NKAIN2: variants seen among roughly 807,000 people sequenced by gnomAD.
The protein encoded by NKAIN2 is sodium/potassium transporting ATPase interacting 2, also known as sodium/potassium-transporting ATPase subunit beta-1-interacting protein 2.
NKAIN2 carries 14 observed loss-of-function variants against 32.6 expected under a neutral mutation model. The observed-to-expected ratio is 0.43, with a 90% confidence interval of 0.28 to 0.67. The LOEUF is 0.67. Ranked by LOEUF, NKAIN2 falls within the 30% of genes least tolerant of loss-of-function variation. The pLI, the probability that NKAIN2 is intolerant of heterozygous loss-of-function variation, is 0.17. For synonymous variants in NKAIN2, 80 were observed against 87.2 expected (o/e 0.92, Z 0.46); for missense variants, 198 against 258.3 (o/e 0.77, Z 1.60).
At chr6:124,518,675 A>C (rs1405498781) in intron 3 of NKAIN2, among the ~76,000 whole-genome samples, 5 of 152,158 alleles carry the variant, frequency 3.3e-5, no homozygotes, top group African/African-American at 4.8e-5. Context: ...TGGGGATTAC[A>C]ATTTAACATG....
intron 1 of NKAIN2, among the ~76,000 whole-genome samples, chr6:124,097,012 G>A (rs1371166701): frequency 6.6e-6 from 1 of 152,148 alleles, no homozygotes; most frequent in African/African-American, 2.4e-5. Flanking sequence ...CAACACACCT[G>A]AATAAGAAAG....
intron 5 of NKAIN2, among the ~76,000 whole-genome samples, chr6:124,797,421 TA>T (rs1454257989): frequency 6.6e-6 from 1 of 152,180 alleles, no homozygotes; most frequent in Non-Finnish European, 1.5e-5. Flanking sequence ...AATAATATCC[TA>T]AGGGACTTAT....
intron 3 of NKAIN2, among the ~76,000 whole-genome samples, chr6:124,624,947 T>G (rs1313506116): frequency 6.6e-6 from 1 of 152,200 alleles, no homozygotes; most frequent in Non-Finnish European, 1.5e-5. Context: ...GCTAAATTTA[T>G]CCAACTTTCT....
At chr6:124,510,769 T>C (rs1778679858) in intron 3 of NKAIN2, among the ~76,000 whole-genome samples, 1 of 152,180 alleles carries the variant, frequency 6.6e-6, no homozygotes, top group South Asian at 2.1e-4. Context: ...TATTTTTATC[T>C]GGCTACTCAG....
intron 1 of NKAIN2, among the ~76,000 whole-genome samples, chr6:123,902,700 C>T (rs901226795): frequency 1.1e-4 from 16 of 152,062 alleles, no homozygotes; most frequent in Admixed American, 4.6e-4. Context: ...AAAGAAGCAT[C>T]GATTTATTCA....
chr6:124,456,471 A>T (rs1203127266), intron 3 of NKAIN2, among the ~76,000 whole-genome samples: 3 of 151,844 alleles, frequency 2.0e-5, no homozygotes, highest in African/African-American at 7.2e-5. Context: ...TATGAAGACC[A>T]CCGTTCCTTT....
chr6:124,131,795 C>T (rs1477719367), intron 1 of NKAIN2, among the ~76,000 whole-genome samples: 3 of 152,082 alleles, frequency 2.0e-5, no homozygotes, highest in Non-Finnish European at 4.4e-5. Flanking sequence ...GGTAGGCAAC[C>T]AGAGGAATTA....
chr6:123,942,419 A>T (rs1205313059), intron 1 of NKAIN2, among the ~76,000 whole-genome samples: 1 of 151,998 alleles, frequency 6.6e-6, no homozygotes, highest in African/African-American at 2.4e-5. Flanking sequence ...AACCCTTTTT[A>T]AAAAATTGTC....
At chr6:124,193,238 C>G (rs1790122223) in intron 1 of NKAIN2, among the ~76,000 whole-genome samples, 1 of 152,212 alleles carries the variant, frequency 6.6e-6, no homozygotes, top group South Asian at 2.1e-4. Flanking sequence ...GCCCGGCAAA[C>G]AGGGCTCAGT....
chr6:124,351,481 C>T (rs1470520163), intron 2 of NKAIN2, among the ~76,000 whole-genome samples: 1 of 118,576 alleles, frequency 8.4e-6, no homozygotes, highest in East Asian at 2.4e-4. Context: ...GCCGGGGTGG[C>T]AGAGTGAGAT....
rs189397451 is a variant in NKAIN2 at position 124,075,619 on chromosome 6, G to A, written c.55-207386G>A. On this transcript the variant is annotated intron_variant, in intron 1 of 6. Coordinates refer to ENST00000368417, the MANE Select transcript of NKAIN2 (RefSeq NM_001040214.3). ...TTTATTTATTTATTTATTTAGAGAC[G>A]GAGTCTTGATGTGTTGGCCAGCCTG... 9.5e-4 allele frequency among the ~76,000 whole-genome samples: 145 copies of A among 152,088 alleles called. 1 individual carries two copies. The highest frequency in any genetic ancestry group is 1.4e-3 in the Non-Finnish European group (93 of 67,976).
intron 3 of NKAIN2, among the ~76,000 whole-genome samples, chr6:124,436,888 C>T (rs917923583): frequency 2.0e-5 from 3 of 152,122 alleles, no homozygotes; most frequent in South Asian, 2.1e-4. Context: ...AATGACTATA[C>T]GGTTCTCCAT....
At chr6:124,551,693 T>C (rs972616850) in intron 3 of NKAIN2, among the ~76,000 whole-genome samples, 1 of 152,232 alleles carries the variant, frequency 6.6e-6, no homozygotes, top group African/African-American at 2.4e-5. Context: ...GACAGCATCA[T>C]TGTCAATCTT....
At chr6:124,708,495 G>C (rs1177990006) in intron 4 of NKAIN2, among the ~76,000 whole-genome samples, 8 of 152,100 alleles carry the variant, frequency 5.3e-5, no homozygotes, top group Non-Finnish European at 8.8e-5. Flanking sequence ...TCTTCCATTT[G>C]TTTGTATCCT....
chr6:124,592,480 C>T (rs1284899312), intron 3 of NKAIN2, among the ~76,000 whole-genome samples: 1 of 152,118 alleles, frequency 6.6e-6, no homozygotes, highest in Non-Finnish European at 1.5e-5. Context: ...TAATCTTTTG[C>T]ATAATTATTT....
rs753005022 is a variant in NKAIN2, at chr6:124,823,516, G to A, written c.*287G>A. The A allele has an allele frequency of 9.9e-6, 4 of 403,414 alleles. No individual in the cohort carries two copies. Among genetic ancestry groups the A allele is most frequent in the East Asian group, 4.0e-5 (1 of 24,762 alleles). The allele number at this position is 403,414 out of a possible 1,614,324, so 25.0% of individuals were successfully genotyped here. A position where few individuals can be genotyped will look rare whatever the true frequency, so the allele number is the denominator to read the frequency against. ...GCAGGCCCCTTTCTCCCAGGCCTTC[G>A]GAAAGTTCAGAAGGAGATGTGTTGA... On this transcript the variant is annotated 3_prime_UTR_variant, in exon 7 of 7. Transcript: ENST00000368417.
chr6:124,261,014 C>T (rs545178941), intron 1 of NKAIN2, among the ~76,000 whole-genome samples: 5 of 151,994 alleles, frequency 3.3e-5, no homozygotes, highest in Non-Finnish European at 7.4e-5. Flanking sequence ...GAGGACTGCC[C>T]GCAAGAAATT....
chr6:124,717,472 G>A (rs879693505), intron 4 of NKAIN2, among the ~76,000 whole-genome samples: 8 of 152,084 alleles, frequency 5.3e-5, no homozygotes, highest in African/African-American at 1.9e-4. Context: ...ATATTCATTC[G>A]TGTTGAGTTC....
At chr6:124,095,077 T>G (rs1003159231) in intron 1 of NKAIN2, among the ~76,000 whole-genome samples, 3 of 152,126 alleles carry the variant, frequency 2.0e-5, no homozygotes, top group African/African-American at 7.2e-5. Flanking sequence ...ATTTAGAAAT[T>G]CTTCTTCAAA....
Sources: gnomAD v4.1 joint callset for allele counts (sites outside exome capture counted in the v4.1 genomes callset) on GRCh38, gnomAD v4.1.1 for gene constraint, MANE v1.5 for transcripts, NCBI Gene and HGNC (gene_info 2026-07-23, HGNC 2026-07-21) for gene names.